The following POLR2C variants were observed in gnomAD, a reference collection of about 807,000 sequenced individuals.
The protein encoded by POLR2C is DNA-directed RNA polymerase II subunit RPB3.
Under a neutral mutation model 41.7 loss-of-function variants are expected in POLR2C, and 36 were observed. That is an observed-to-expected ratio of 0.86 (90% CI 0.66 to 1.14). POLR2C has a LOEUF of 1.14. POLR2C is among the 50% of genes most tolerant of loss of function. The probability of loss-of-function intolerance (pLI) is 0.00; values close to 1 mark genes in which losing one functional copy is unlikely to be tolerated. For synonymous variants in POLR2C, 133 were observed against 137.8 expected, an observed-to-expected ratio of 0.96 and a Z score of 0.25; for missense variants, 260 against 350.4, an observed-to-expected ratio of 0.74 and a Z score of 2.06.
chr16:57,462,886 GGGGGTGTAGT>G lies in POLR2C; in HGVS notation c.86+83_86+92del. On this transcript the variant is annotated intron_variant, in intron 1 of 8. Coordinates refer to ENST00000219252, the MANE Select transcript of POLR2C (RefSeq NM_032940.3). Reference sequence around the variant, plus strand: ...AAGCCGGGGCCCCGGGGCAGGGGGCGGGGGTGTAGTGGGGTGGGGTGGGGGCGATGTCCTT... The same window carrying G: ...AAGCCGGGGCCCCGGGGCAGGGGGCGGGGGTGGGGTGGGGGCGATGTCCTT... 1.4e-5 allele frequency: 17 copies of G among 1,253,122 alleles called. 1 individual carries two copies. In the South Asian group the frequency reaches 1.9e-4, roughly 14 times the overall value. The allele number at this position is 1,253,122 out of a possible 1,614,324, so 77.6% of individuals were successfully genotyped here.
chr16:57,468,370 A>G (rs2146602384), intron 4 of POLR2C, among the ~76,000 whole-genome samples: 1 of 152,202 alleles, frequency 6.6e-6, no homozygotes, highest in Admixed American at 6.5e-5. Flanking sequence ...TTGCCTTCCT[A>G]CCTCACCTGT....
intron 2 of POLR2C, among the ~76,000 whole-genome samples, chr16:57,464,664 A>AC (rs1221336491): frequency 5.1e-4 from 28 of 55,164 alleles, no homozygotes; most frequent in South Asian, 8.6e-4. Flanking sequence ...CCACCACCCC[A>AC]CCCCCCCGCC....
chr16:57,464,096 G>C (rs923363644), intron 2 of POLR2C: 5 of 156,768 alleles, frequency 3.2e-5, no homozygotes, highest in African/African-American at 1.2e-4. Context: ...TTCCTCATCT[G>C]TAACATTCGG....
rs752501455 is a variant in POLR2C, at chr16:57,470,057, C to T, written c.536C>T (p.Thr179Ile). 1 of 1,614,222 alleles carries T rather than the reference C, an allele frequency of 6.2e-7. No individual in the cohort carries two copies. Among genetic ancestry groups the T allele is most frequent in the Non-Finnish European group, 8.5e-7 (1 of 1,180,028 alleles). ...AAGGAGCATGCCAAGTGGAACCCTACTGCAGGGGTGGCTTTTGAATACGAT... is the reference window on the plus strand; with the variant it reads ...AAGGAGCATGCCAAGTGGAACCCTATTGCAGGGGTGGCTTTTGAATACGAT... Reference protein sequence around the residue: ...FGKEHAKWNPTAGVAFEYDPD... With the variant: ...FGKEHAKWNPIAGVAFEYDPD... Residue 179 changes from threonine to isoleucine, a missense_variant, in exon 7 of 9, where the codon ACT becomes ATT. Transcript: ENST00000219252.
chr16:57,470,210 G>A (rs2030797320), intron 7 of POLR2C, 70 bp from the exon 8 acceptor site: 2 of 1,592,960 alleles, frequency 1.3e-6, no homozygotes, highest in South Asian at 1.1e-5. Context: ...AGATGTGGCA[G>A]GCTCTCTAGG....
At position 57,465,969 on chromosome 16, in the gene POLR2C, G is replaced by T; in HGVS notation, c.153G>T (p.Gln51His). ...ATTTTTTAGCCATTGACTGGGTTCAGATTGATGCCAATTCCTCAGTTCTTC... is the reference window on the plus strand; with the variant it reads ...ATTTTTTAGCCATTGACTGGGTTCATATTGATGCCAATTCCTCAGTTCTTC... ...EVPIIAIDWV[Q>H]IDANSSVLHD... The change falls in exon 3 of 9, where the codon CAG becomes CAT. Residue 51 changes from glutamine to histidine, a missense_variant. Physicochemically the swap from Gln to His is conservative, Grantham distance 24. Transcript: ENST00000219252. 6.2e-7 allele frequency: 1 copy of T among 1,604,678 alleles called. No individual in the cohort carries two copies. Among genetic ancestry groups the T allele is most frequent in the Middle Eastern group, 1.7e-4 (1 of 6,004 alleles).
chr16:57,468,424 C>G (rs911619165), intron 4 of POLR2C, among the ~76,000 whole-genome samples: 6 of 151,076 alleles, frequency 4.0e-5, no homozygotes, highest in African/African-American at 1.5e-4. Flanking sequence ...GCTGCTGCTT[C>G]TTCCTCAGCA....
At chr16:57,465,275 C>T (rs1197269806) in intron 2 of POLR2C, among the ~76,000 whole-genome samples, 1 of 152,060 alleles carries the variant, frequency 6.6e-6, no homozygotes, top group African/African-American at 2.4e-5. Context: ...GTGTCTGTGT[C>T]CCTCGTTTGG....
Position 57,462,755 on chromosome 16 carries a change from A to T in POLR2C, c.31A>T (p.Ile11Phe), listed in dbSNP as rs765965486. Residue 11 changes from isoleucine to phenylalanine, a missense_variant, in exon 1 of 9, where the codon ATC becomes TTC. Ile to Phe is a conservative substitution (Grantham distance 21). Coordinates refer to ENST00000219252, the MANE Select transcript of POLR2C (RefSeq NM_032940.3). MPYANQPTVRITELTDENVKF... is the reference protein window; with the variant it reads MPYANQPTVRFTELTDENVKF... ...GTACGCCAACCAGCCTACCGTGCGGATCACGGAGCTCACTGACGAGAATGT... is the reference window on the plus strand; with the variant it reads ...GTACGCCAACCAGCCTACCGTGCGGTTCACGGAGCTCACTGACGAGAATGT... The T allele has an allele frequency of 1.2e-6, 2 of 1,607,994 alleles. No individual in the cohort carries two copies. The highest frequency in any genetic ancestry group is 3.4e-5 in the Admixed American group (2 of 59,482).
At chr16:57,463,324 G>A (rs1158629213) in intron 2 of POLR2C, 4 of 597,544 alleles carry the variant, frequency 6.7e-6, no homozygotes, top group South Asian at 2.0e-5. Context: ...GGGTTTAGCA[G>A]TGTGCAGACT....
In POLR2C at chr16:57,469,797, G is replaced by A. The variant is rs568220102; in HGVS notation, c.439+36G>A. ...CTGACCTGTCACCGTGTGGGCCAGC[G>A]GGAAGGAGGGACCAGACACAGCCTC... On this transcript the variant is annotated intron_variant, in intron 6 of 8. Coordinates refer to ENST00000219252, the MANE Select transcript of POLR2C (RefSeq NM_032940.3). This position sits in a 1 kb window ranked among gnomAD's most constrained non-coding sequence, Gnocchi z 5.8. 171 of 1,597,150 alleles carry A rather than the reference G, an allele frequency of 1.1e-4. 3 individuals are homozygous for A. The South Asian group carries it at 1.5e-3, about 14-fold the overall frequency.
intron 2 of POLR2C, 63 bp downstream of exon 2, chr16:57,463,141 ACT>A (rs1394607327): frequency 2.4e-6 from 3 of 1,271,464 alleles, no homozygotes; most frequent in Non-Finnish European, 3.4e-6. Context: ...CCACCCACAC[ACT>A]CTTTGGGGCT....
intron 4 of POLR2C, among the ~76,000 whole-genome samples, chr16:57,468,641 C>T (rs1178872106): frequency 7.2e-5 from 11 of 152,158 alleles, no homozygotes; most frequent in Admixed American, 3.9e-4. Flanking sequence ...CAGTTTCTTA[C>T]GTGCTTCTCT....
Position 57,462,691 on chromosome 16 carries a change from G to T in POLR2C, c.-34G>T. 1 of 1,529,214 alleles carries T rather than the reference G, an allele frequency of 6.5e-7. No homozygotes were observed. The highest frequency in any genetic ancestry group is 1.2e-5 in the South Asian group (1 of 84,980). 94.7% of individuals were successfully genotyped at this position (1,529,214 alleles called of 1,614,324 possible). A position where few individuals can be genotyped will look rare whatever the true frequency, so the allele number is the denominator to read the frequency against. ...GCGGTGGCGCCGCGCAGTCACCGCG[G>T]AGCAGACGCGGAGGCTGGTGGCCCC... On this transcript the variant is annotated 5_prime_UTR_variant, in exon 1 of 9. Coordinates refer to ENST00000219252, the MANE Select transcript of POLR2C (RefSeq NM_032940.3).
At position 57,469,993 on chromosome 16, in the gene POLR2C, G is replaced by A. The variant is rs775806776; in HGVS notation, c.472G>A (p.Glu158Lys). 3.7e-6 allele frequency: 6 copies of A among 1,614,138 alleles called. No individual in the cohort carries two copies. Among genetic ancestry groups the A allele is most frequent in the Non-Finnish European group, 4.2e-6 (5 of 1,180,042 alleles). The change falls in exon 7 of 9, where the codon GAG becomes AAG. Residue 158 changes from glutamate to lysine, a missense_variant. By Grantham distance (56) the Glu-to-Lys change is moderately conservative. Transcript: ENST00000219252. The surrounding 1 kb of genome is among the most constrained non-coding windows in gnomAD (Gnocchi z 5.8). The stretch of plus-strand genomic sequence containing the variant: ...CATCGTCAAGTTGAGAAAGGGCCAG[G>A]AGCTGAGACTTCGAGCCTATGCCAA... Reference protein sequence around the residue: ...ILIVKLRKGQELRLRAYAKKG... With the variant: ...ILIVKLRKGQKLRLRAYAKKG...
At chr16:57,468,816 T>C (rs551859614) in intron 4 of POLR2C, among the ~76,000 whole-genome samples, 4 of 152,040 alleles carry the variant, frequency 2.6e-5, no homozygotes, top group East Asian at 1.9e-4. Context: ...AACTATAGAG[T>C]GTGAAAGCAT....
chr16:57,466,365 C>T, intron 4 of POLR2C, 138 bp downstream of exon 4: 1 of 683,978 alleles, frequency 1.5e-6, no homozygotes. Context: ...TGTCTAGAGC[C>T]TGGGCAGGCC....
chr16:57,471,225 T>C lies in POLR2C; in HGVS notation c.*106T>C, dbSNP rs2030828880. 1.0e-6 allele frequency: 1 copy of C among 972,832 alleles called. No individual in the cohort carries two copies. 60.3% of individuals were successfully genotyped at this position (972,832 alleles called of 1,614,324 possible). A position where few individuals can be genotyped will look rare whatever the true frequency, so the allele number is the denominator to read the frequency against. On this transcript the variant is annotated 3_prime_UTR_variant, in exon 9 of 9. Coordinates refer to ENST00000219252, the MANE Select transcript of POLR2C (RefSeq NM_032940.3). Reference sequence around the variant, plus strand: ...TTCTGAGAATCTAGTCTACTGTTGGTTGAGCTTCTTGGCAGGACATCAGTA... The same window carrying C: ...TTCTGAGAATCTAGTCTACTGTTGGCTGAGCTTCTTGGCAGGACATCAGTA...
At chr16:57,466,102 C>T in intron 3 of POLR2C, 73 bp from the exon 4 acceptor site, 2 of 1,449,780 alleles carry the variant, frequency 1.4e-6, no homozygotes, top group Non-Finnish European at 1.9e-6. Flanking sequence ...AGCCTCACCC[C>T]CAGAAGGCTT....
Sources: gnomAD v4.1 joint callset for allele counts (sites outside exome capture counted in the v4.1 genomes callset) on GRCh38, gnomAD v4.1.1 for gene constraint, Gnocchi (gnomAD v3.1) non-coding constraint, MANE v1.5 for transcripts, NCBI Gene and HGNC (gene_info 2026-07-23, HGNC 2026-07-21) for gene names.